Variants in TMEM117 observed in about 807,000 individuals in gnomAD.
TMEM117 encodes the protein transmembrane protein 117.
A neutral mutation model predicts 52.4 loss-of-function variants in TMEM117; 27 were observed. The observed-to-expected ratio is 0.51, with a 90% CI of 0.38 to 0.71. TMEM117 has a LOEUF of 0.71. Among genes scored for constraint, TMEM117 ranks in the 30% least tolerant of loss-of-function variants. The pLI is 0.00. For missense variants in TMEM117, 556 were observed against 630.5 expected (o/e 0.88, Z 1.26); for synonymous variants, 215 against 206.3 (o/e 1.04, Z -0.36).
At chr12:43,931,550 G>T (rs560227894) in intron 2 of TMEM117, among the ~76,000 whole-genome samples, 2 of 152,260 alleles carry the variant, frequency 1.3e-5, no homozygotes, top group African/African-American at 4.8e-5. Flanking sequence ...GTTTCAGAGG[G>T]TAGAGAAATG....
intron 3 of TMEM117, among the ~76,000 whole-genome samples, chr12:44,014,618 C>T (rs150014065): frequency 1.3e-5 from 2 of 152,136 alleles, no homozygotes; most frequent in Non-Finnish European, 2.9e-5. Flanking sequence ...TCAAAAGATA[C>T]GTTACACTAC....
chr12:44,069,870 C>T (rs1490608345), intron 3 of TMEM117, among the ~76,000 whole-genome samples: 2 of 151,988 alleles, frequency 1.3e-5, no homozygotes, highest in Non-Finnish European at 2.9e-5. Context: ...GATTCAGGCT[C>T]TTTTGTTGTT....
chr12:44,027,379 G>A (rs1946559079), intron 3 of TMEM117, among the ~76,000 whole-genome samples: 1 of 151,704 alleles, frequency 6.6e-6, no homozygotes, highest in Non-Finnish European at 1.5e-5. Flanking sequence ...TCACCATGTT[G>A]GCCAGGCTGG....
At chr12:44,221,021 A>G (rs1949781285) in intron 5 of TMEM117, among the ~76,000 whole-genome samples, 1 of 152,168 alleles carries the variant, frequency 6.6e-6, no homozygotes, top group Admixed American at 6.5e-5. Context: ...CCCCTTGAGT[A>G]TGAACTGAAC....
Position 43,871,740 on chromosome 12 carries a change from G to A in TMEM117, c.277+26812G>A, listed in dbSNP as rs1367733451. 2.0e-5 allele frequency among the ~76,000 whole-genome samples: 3 copies of A among 152,142 alleles called. No homozygotes were observed. The East Asian group carries it at 5.8e-4, about 29-fold the overall frequency. Reference sequence around the variant, plus strand: ...GTTAAGAGATGTATGCTAATAAGAAGCTAATAATGTTTCATAAAAGAGTAT... The same window carrying A: ...GTTAAGAGATGTATGCTAATAAGAAACTAATAATGTTTCATAAAAGAGTAT... On this transcript the variant is annotated intron_variant, in intron 2 of 7. Transcript: ENST00000266534.
rs11612873 is a variant in TMEM117 at position 44,214,664 on chromosome 12, G to T, written c.608+3277G>T. 6.1e-3 allele frequency among the ~76,000 whole-genome samples: 935 copies of T among 152,244 alleles called. 12 individuals are homozygous for T. Among genetic ancestry groups the T allele is most frequent in the Non-Finnish European group, 5.9e-3 (403 of 68,018 alleles). ...TTATTAATAATTAGGCAATATATTA[G>T]AGAGATTGTTTTCACTGTTATATTT... On this transcript the variant is annotated intron_variant, in intron 5 of 7. Coordinates refer to ENST00000266534, the MANE Select transcript of TMEM117 (RefSeq NM_032256.3).
chr12:44,228,528 A>G lies in TMEM117; in HGVS notation c.608+17141A>G, dbSNP rs549098965. 8.5e-5 allele frequency among the ~76,000 whole-genome samples: 13 copies of G among 152,298 alleles called. No individual in the cohort carries two copies. The South Asian group carries it at 2.7e-3, about 32-fold the overall frequency. The stretch of plus-strand genomic sequence containing the variant: ...TAAATAAAAGATCACCAGTCAATCA[A>G]TAAATCCCATAATGGCATATGTCAT... On this transcript the variant is annotated intron_variant, in intron 5 of 7. Transcript: ENST00000266534.
At chr12:44,218,229 A>C (rs1171425256) in intron 5 of TMEM117, among the ~76,000 whole-genome samples, 2 of 151,574 alleles carry the variant, frequency 1.3e-5, no homozygotes, top group African/African-American at 4.9e-5. Context: ...GTCAAAAAAA[A>C]CAAAAAACAA....
chr12:44,205,518 T>C (rs139142586), intron 4 of TMEM117, among the ~76,000 whole-genome samples: 9 of 152,158 alleles, frequency 5.9e-5, no homozygotes, highest in African/African-American at 2.2e-4. Flanking sequence ...CTGACAAAGG[T>C]CTGGTAGCCA....
At chr12:43,863,449 C>T (rs1943525283) in intron 2 of TMEM117, among the ~76,000 whole-genome samples, 1 of 152,140 alleles carries the variant, frequency 6.6e-6, no homozygotes, top group Admixed American at 6.6e-5. Context: ...TTTAGAGTGA[C>T]TCTTTGAAAA....
intron 5 of TMEM117, among the ~76,000 whole-genome samples, chr12:44,298,143 G>T (rs942060712): frequency 2.0e-5 from 3 of 150,520 alleles, no homozygotes; most frequent in Middle Eastern, 3.4e-3. Flanking sequence ...AGTATAACTT[G>T]CCTCAAATAA....
intron 3 of TMEM117, among the ~76,000 whole-genome samples, chr12:44,134,265 G>A (rs954927378): frequency 6.6e-5 from 10 of 152,106 alleles, no homozygotes; most frequent in Non-Finnish European, 5.9e-5. Flanking sequence ...CCAGGCTTGA[G>A]TGCAGTGGTG....
chr12:44,225,332 A>G (rs992828360), intron 5 of TMEM117, among the ~76,000 whole-genome samples: 1 of 152,206 alleles, frequency 6.6e-6, no homozygotes, highest in Non-Finnish European at 1.5e-5. Context: ...AGAAACTGCC[A>G]TGAAACTACA....
upstream of TMEM117, among the ~76,000 whole-genome samples, chr12:43,831,796 C>T (rs1942984256): frequency 1.3e-5 from 2 of 152,224 alleles, no homozygotes; most frequent in South Asian, 4.1e-4. Context: ...CCCACCTCAG[C>T]TTTTTCAAAG....
chr12:43,856,471 T>G (rs2137386058), intron 2 of TMEM117, among the ~76,000 whole-genome samples: 1 of 152,304 alleles, frequency 6.6e-6, no homozygotes, highest in South Asian at 2.1e-4. Flanking sequence ...ATAAGGAATT[T>G]AAAAAAGCAG....
At chr12:43,883,073 T>G (rs1002866761) in intron 2 of TMEM117, among the ~76,000 whole-genome samples, 5 of 152,200 alleles carry the variant, frequency 3.3e-5, no homozygotes, top group African/African-American at 1.2e-4. Flanking sequence ...CCAATGGTGG[T>G]TTTTGTATCC....
At chr12:44,394,775 G>T in the TMEM117 span, among the ~76,000 whole-genome samples, 1 of 152,116 alleles carries the variant, frequency 6.6e-6, no homozygotes, top group Non-Finnish European at 1.5e-5. Flanking sequence ...ATGCACCTGA[G>T]CCCCTGCACT....
intron 3 of TMEM117, among the ~76,000 whole-genome samples, chr12:44,068,366 T>C (rs1947252961): frequency 6.6e-6 from 1 of 152,242 alleles, no homozygotes; most frequent in Non-Finnish European, 1.5e-5. Flanking sequence ...TATCCTGGCT[T>C]TTGACATGCC....
chr12:44,099,523 A>G (rs990711096), intron 3 of TMEM117, among the ~76,000 whole-genome samples: 11 of 152,064 alleles, frequency 7.2e-5, no homozygotes, highest in Non-Finnish European at 1.2e-4. Context: ...AAACTTTAAA[A>G]CTTTTTGTTT....
Sources: gnomAD v4.1 joint callset for allele counts (sites outside exome capture counted in the v4.1 genomes callset) on GRCh38, gnomAD v4.1.1 for gene constraint, MANE v1.5 for transcripts, NCBI Gene and HGNC (gene_info 2026-07-23, HGNC 2026-07-21) for gene names.